The following GSG1L variants were observed in gnomAD, a reference collection of about 807,000 sequenced individuals.
The protein encoded by GSG1L is germ cell-specific gene 1-like protein.
In GSG1L, 24 loss-of-function variants were observed where a neutral mutation model predicts 42.1. The ratio of observed to expected loss-of-function variants is 0.57; its 90% CI spans 0.41 to 0.80. The LOEUF is 0.80. Among genes scored for constraint, GSG1L ranks in the 30% least tolerant of loss-of-function variants. The pLI is 0.00. For synonymous variants in GSG1L, 215 were observed against 203.5 expected, an observed-to-expected ratio of 1.06 and a Z score of -0.48; for missense variants, 445 against 472.2, an observed-to-expected ratio of 0.94 and a Z score of 0.53.
At chr16:28,025,545 C>T (rs2085891580) in intron 1 of GSG1L, among the ~76,000 whole-genome samples, 1 of 152,246 alleles carries the variant, frequency 6.6e-6, no homozygotes, top group African/African-American at 2.4e-5. Flanking sequence ...CCGCAGGCCC[C>T]CAACGCTGCT....
At position 27,790,088 on chromosome 16, in the gene GSG1L, T is replaced by A. The variant is rs545589113; in HGVS notation, c.*1282A>T. ...GATGAATGGATAGATGATGGATGGA[T>A]GGAAGGATGGATGAATGAATGAATG... is the stretch of plus-strand genomic sequence containing the variant. On this transcript the variant is annotated 3_prime_UTR_variant, in exon 7 of 7. Coordinates refer to ENST00000447459, the MANE Select transcript of GSG1L (RefSeq NM_001109763.2). 1 of 150,866 alleles carries A rather than the reference T, an allele frequency of 6.6e-6. No homozygotes were observed. Among genetic ancestry groups the A allele is most frequent in the Non-Finnish European group, 1.5e-5 (1 of 67,728 alleles). The allele number at this position is 150,866 out of a possible 1,614,324, so 9.3% of individuals were successfully genotyped here.
chr16:27,992,568 A>G (rs752578160), intron 1 of GSG1L, among the ~76,000 whole-genome samples: 75 of 151,938 alleles, frequency 4.9e-4, no homozygotes, highest in Admixed American at 7.9e-4. Flanking sequence ...CAGACATACC[A>G]CTTCTGTTAC....
intron 1 of GSG1L, among the ~76,000 whole-genome samples, chr16:28,031,426 G>A (rs1567562484): frequency 6.7e-6 from 1 of 148,918 alleles, no homozygotes. Flanking sequence ...GATGGGATGG[G>A]TTGGCATGGG....
At chr16:27,896,134 G>T (rs377092535) in intron 2 of GSG1L, among the ~76,000 whole-genome samples, 4 of 152,276 alleles carry the variant, frequency 2.6e-5, no homozygotes, top group Admixed American at 6.5e-5. Context: ...GGCCTAGGGG[G>T]TCACTCCAAT....
At chr16:28,029,810 G>C (rs962840575) in intron 1 of GSG1L, among the ~76,000 whole-genome samples, 1 of 152,186 alleles carries the variant, frequency 6.6e-6, no homozygotes, top group African/African-American at 2.4e-5. Flanking sequence ...TGCTGAGTCA[G>C]GATTTTACTC....
At chr16:27,971,012 A>G (rs2085187781) in intron 1 of GSG1L, among the ~76,000 whole-genome samples, 1 of 152,222 alleles carries the variant, frequency 6.6e-6, no homozygotes, top group Non-Finnish European at 1.5e-5. Flanking sequence ...ATTAATTTAT[A>G]TGTCTCTCCT....
intron 2 of GSG1L, among the ~76,000 whole-genome samples, chr16:27,932,490 G>C (rs1476653553): frequency 6.6e-6 from 1 of 152,156 alleles, no homozygotes; most frequent in Non-Finnish European, 1.5e-5. Flanking sequence ...AATTCGCATG[G>C]TGGCAGCAGG....
intron 1 of GSG1L, among the ~76,000 whole-genome samples, chr16:27,997,252 C>T (rs74848474): frequency 6.6e-6 from 1 of 151,146 alleles, no homozygotes; most frequent in East Asian, 1.9e-4. Flanking sequence ...CATGTCAAAT[C>T]TCCCTTCTTT....
At chr16:27,822,627 C>T (rs1050270992) in intron 5 of GSG1L, among the ~76,000 whole-genome samples, 2 of 152,078 alleles carry the variant, frequency 1.3e-5, no homozygotes, top group Admixed American at 1.3e-4. Context: ...CTATGTTGCC[C>T]AGGCTAGTCT....
intron 1 of GSG1L, chr16:27,998,523 C>A: frequency 6.6e-6 from 1 of 152,576 alleles, no homozygotes; most frequent in South Asian, 2.0e-4. Context: ...CGCGGGAGCT[C>A]CCGCCTGTAA....
intron 3 of GSG1L, among the ~76,000 whole-genome samples, chr16:27,863,010 A>G (rs2083672474): frequency 6.6e-6 from 1 of 151,970 alleles, no homozygotes; most frequent in South Asian, 2.1e-4. Flanking sequence ...AGCTCAGTTC[A>G]CTTTTTTGTC....
chr16:27,864,632 T>C (rs1444791961), intron 3 of GSG1L, among the ~76,000 whole-genome samples: 1 of 152,118 alleles, frequency 6.6e-6, no homozygotes. Flanking sequence ...AAAAATACGG[T>C]TTTGCCTCAG....
chr16:27,841,402 C>T (rs933108178), intron 4 of GSG1L, among the ~76,000 whole-genome samples: 24 of 152,174 alleles, frequency 1.6e-4, no homozygotes, highest in African/African-American at 5.5e-4. Flanking sequence ...TCTAAGAAAC[C>T]GGCACTCAAC....
chr16:27,991,150 C>T (rs2085451267), intron 1 of GSG1L, among the ~76,000 whole-genome samples: 1 of 152,220 alleles, frequency 6.6e-6, no homozygotes, highest in South Asian at 2.1e-4. Flanking sequence ...AAAACTATAA[C>T]ACACCTGTTA....
intron 1 of GSG1L, among the ~76,000 whole-genome samples, chr16:28,001,858 T>A (rs1479129236): frequency 6.6e-6 from 1 of 152,204 alleles, no homozygotes; most frequent in Non-Finnish European, 1.5e-5. Context: ...CAGCCTGGTC[T>A]CCACCCGCTG....
At chr16:27,887,156 A>G (rs1045935104) in intron 2 of GSG1L, among the ~76,000 whole-genome samples, 5 of 151,846 alleles carry the variant, frequency 3.3e-5, no homozygotes, top group Non-Finnish European at 7.4e-5. Flanking sequence ...GGGTTTCACC[A>G]TGTTGCGCCG....
chr16:27,868,607 AG>A (rs1308558276), intron 3 of GSG1L, among the ~76,000 whole-genome samples: 4 of 150,748 alleles, frequency 2.7e-5, no homozygotes, highest in Non-Finnish European at 5.9e-5. Flanking sequence ...AAAAAAAAAA[AG>A]ATGATATTTT....
In GSG1L at chr16:27,891,884, CTTTTTTTTTTTT is replaced by C. The variant is rs60746199; in HGVS notation, c.398-7258_398-7247del. On this transcript the variant is annotated intron_variant, in intron 2 of 6. Transcript: ENST00000447459. ...TCTGCAGGTACCGTCAGTGACAGAT[CTTTTTTTTTTTT>C]TTTTTTTTTTTTAATGCAAGGGACT... Among the ~76,000 whole-genome samples the C allele has an allele frequency of 1.3e-4, 10 of 74,332 alleles. No individual in the cohort carries two copies. The South Asian group carries it at 3.1e-3, about 23-fold the overall frequency. The allele number at this position is 74,332 out of a possible 152,430, so 48.8% of individuals were successfully genotyped here. A position where few individuals can be genotyped will look rare whatever the true frequency, so the allele number is the denominator to read the frequency against.
rs2086098653 is a variant in GSG1L, at chr16:28,040,929, G to T, written c.349+22147C>A. On this transcript the variant is annotated intron_variant, in intron 1 of 6. Transcript: ENST00000447459. The surrounding 1 kb of genome is among the most constrained non-coding windows in gnomAD (Gnocchi z 4.1). ...CAGCAGCAAATGTGTGCTGTGCACTGAGCCTGTGCCAAGTGCTAGGGTGAG... is the reference window on the plus strand; with the variant it reads ...CAGCAGCAAATGTGTGCTGTGCACTTAGCCTGTGCCAAGTGCTAGGGTGAG... Among the ~76,000 whole-genome samples the T allele has an allele frequency of 6.6e-6, 1 of 152,240 alleles. No individual in the cohort carries two copies. Among genetic ancestry groups the T allele is most frequent in the Non-Finnish European group, 1.5e-5 (1 of 68,038 alleles).
Sources: gnomAD v4.1 joint callset for allele counts (sites outside exome capture counted in the v4.1 genomes callset) on GRCh38, gnomAD v4.1.1 for gene constraint, Gnocchi (gnomAD v3.1) non-coding constraint, MANE v1.5 for transcripts, NCBI Gene and HGNC (gene_info 2026-07-23, HGNC 2026-07-21) for gene names.